Variants in SGCZ observed in about 807,000 individuals in gnomAD.
The protein encoded by SGCZ is sarcoglycan zeta.
SGCZ carries 40 observed loss-of-function variants against 41.3 expected under a neutral mutation model. The observed-to-expected ratio is 0.97, with a 90% CI of 0.75 to 1.26. SGCZ has a LOEUF of 1.26. Among genes scored for constraint, SGCZ ranks in the 50% most tolerant of loss-of-function variants. The probability of loss-of-function intolerance (pLI) is 0.00; values close to 1 mark genes in which losing one functional copy is unlikely to be tolerated. For missense variants in SGCZ, 552 were observed against 369.8 expected (o/e 1.49, Z -4.04); for synonymous variants, 206 against 137.5 (o/e 1.50, Z -3.49).
intron 1 of SGCZ, among the ~76,000 whole-genome samples, chr8:14,823,078 G>A (rs942420422): frequency 4.6e-3 from 445 of 96,606 alleles, no homozygotes; most frequent in East Asian, 0.018. Context: ...AAAAAAAAAA[G>A]ACTTCTGTGT....
intron 1 of SGCZ, among the ~76,000 whole-genome samples, chr8:14,884,977 C>A (rs895053778): frequency 6.6e-6 from 1 of 151,996 alleles, no homozygotes; most frequent in Non-Finnish European, 1.5e-5. Context: ...CAGAAAAAAT[C>A]GACAGCATTC....
intron 2 of SGCZ, among the ~76,000 whole-genome samples, chr8:14,415,727 A>C (rs1041998365): frequency 9.9e-5 from 15 of 151,916 alleles, no homozygotes; most frequent in African/African-American, 2.7e-4. Flanking sequence ...AGTTGAGAAC[A>C]TATCTTGAAA....
At chr8:14,357,026 T>C (rs981538971) in intron 2 of SGCZ, among the ~76,000 whole-genome samples, 2 of 152,200 alleles carry the variant, frequency 1.3e-5, no homozygotes, top group African/African-American at 4.8e-5. Context: ...AGAAGCAATA[T>C]AATTATTTAT....
chr8:14,959,403 A>C (rs1304602664), intron 1 of SGCZ, among the ~76,000 whole-genome samples: 1 of 152,122 alleles, frequency 6.6e-6, no homozygotes, highest in Non-Finnish European at 1.5e-5. Flanking sequence ...ATTATAACTA[A>C]TCCATGGATA....
intron 7 of SGCZ, among the ~76,000 whole-genome samples, chr8:14,096,643 C>G (rs1026486234): frequency 6.6e-6 from 1 of 152,142 alleles, no homozygotes; most frequent in Non-Finnish European, 1.5e-5. Flanking sequence ...AGGATTCCCT[C>G]TTTTTCTATT....
At chr8:14,621,207 T>C (rs542525108) in intron 1 of SGCZ, among the ~76,000 whole-genome samples, 13 of 146,552 alleles carry the variant, frequency 8.9e-5, no homozygotes, top group African/African-American at 3.0e-4. Context: ...CAAAACCGCA[T>C]GTTCTCACTC....
chr8:14,790,196 G>C (rs765914267), intron 1 of SGCZ, among the ~76,000 whole-genome samples: 1 of 152,132 alleles, frequency 6.6e-6, no homozygotes, highest in Non-Finnish European at 1.5e-5. Context: ...GTGGTTTCAA[G>C]TCTGTCCTTA....
intron 1 of SGCZ, among the ~76,000 whole-genome samples, chr8:14,806,775 C>T (rs1206672912): frequency 1.3e-5 from 2 of 151,954 alleles, no homozygotes; most frequent in Admixed American, 1.3e-4. Context: ...AGAGACACAA[C>T]CAAAAAAGAG....
chr8:14,415,073 G>C (rs1311583448), intron 2 of SGCZ, among the ~76,000 whole-genome samples: 2 of 151,796 alleles, frequency 1.3e-5, no homozygotes, highest in African/African-American at 4.8e-5. Flanking sequence ...ATTAATGGGA[G>C]AGTGTTTTTA....
At chr8:14,247,998 C>T (rs2117198577) in intron 3 of SGCZ, among the ~76,000 whole-genome samples, 1 of 152,268 alleles carries the variant, frequency 6.6e-6, no homozygotes, top group African/African-American at 2.4e-5. Context: ...TAAGGTAAAG[C>T]AGTAATTTTC....
intron 1 of SGCZ, among the ~76,000 whole-genome samples, chr8:15,195,868 T>C (rs573224236): frequency 1.3e-5 from 2 of 151,434 alleles, no homozygotes; most frequent in Non-Finnish European, 1.5e-5. Context: ...TTATAATGGG[T>C]TTTATACATC....
intron 1 of SGCZ, among the ~76,000 whole-genome samples, chr8:14,749,272 A>G (rs1799428317): frequency 6.6e-6 from 1 of 152,158 alleles, no homozygotes; most frequent in Admixed American, 6.6e-5. Flanking sequence ...CACTATATCA[A>G]GTTAGAATGG....
chr8:14,769,865 A>G (rs1800178498), intron 1 of SGCZ, among the ~76,000 whole-genome samples: 1 of 141,082 alleles, frequency 7.1e-6, no homozygotes, highest in Admixed American at 7.4e-5. Context: ...GAAAAAAAAA[A>G]TAGAATTTAT....
chr8:14,315,551 C>T (rs1801687382), intron 3 of SGCZ, among the ~76,000 whole-genome samples: 1 of 151,924 alleles, frequency 6.6e-6, no homozygotes. Context: ...CCTTTTACAA[C>T]TACTTTTGAA....
intron 1 of SGCZ, among the ~76,000 whole-genome samples, chr8:14,831,638 G>GTGTA: frequency 6.6e-6 from 1 of 151,368 alleles, no homozygotes; most frequent in East Asian, 1.9e-4. Flanking sequence ...ACATATGTGT[G>GTGTA]TGTGTGTATA....
intron 1 of SGCZ, among the ~76,000 whole-genome samples, chr8:15,177,246 C>T (rs1800028210): frequency 6.6e-6 from 1 of 152,112 alleles, no homozygotes; most frequent in Non-Finnish European, 1.5e-5. Context: ...AAATAAAGGG[C>T]ATTTAGATGT....
chr8:14,995,309 T>C (rs576434608), intron 1 of SGCZ, among the ~76,000 whole-genome samples: 116 of 152,300 alleles, frequency 7.6e-4, no homozygotes, highest in Admixed American at 3.4e-3. Flanking sequence ...AGTGTGGGGA[T>C]GATGACCTGA....
At chr8:15,109,701 G>T (rs556321274) in intron 1 of SGCZ, among the ~76,000 whole-genome samples, 1 of 152,274 alleles carries the variant, frequency 6.6e-6, no homozygotes, top group East Asian at 1.9e-4. Context: ...AATACTCACA[G>T]AGTTCTGGGT....
intron 2 of SGCZ, among the ~76,000 whole-genome samples, chr8:14,418,058 T>C (rs528395385): frequency 2.0e-5 from 3 of 152,036 alleles, no homozygotes; most frequent in African/African-American, 7.2e-5. Flanking sequence ...TCTGTCATGC[T>C]AGGCAGTTTG....
Sources: gnomAD v4.1 joint callset for allele counts (sites outside exome capture counted in the v4.1 genomes callset) on GRCh38, gnomAD v4.1.1 for gene constraint, MANE v1.5 for transcripts, NCBI Gene and HGNC (gene_info 2026-07-23, HGNC 2026-07-21) for gene names.